Variants in ARHGAP26 observed in about 807,000 individuals in gnomAD.
ARHGAP26 encodes the protein rho GTPase-activating protein 26.
Under a neutral mutation model 104.8 loss-of-function variants are expected in ARHGAP26, and 38 were observed. That is an observed-to-expected ratio of 0.36 (90% CI 0.28 to 0.48). The LOEUF (loss-of-function observed/expected upper bound fraction) is 0.48, where lower values mean the gene tolerates loss of function less well. Among genes scored for constraint, ARHGAP26 ranks in the 20% least tolerant of loss-of-function variants. The pLI is 0.99. For synonymous variants in ARHGAP26, 341 were observed against 340.0 expected (o/e 1.00, Z -0.03); for missense variants, 704 against 947.9 (o/e 0.74, Z 3.38).
intron 9 of ARHGAP26, chr5:142,908,763 A>G: frequency 6.0e-6 from 1 of 167,152 alleles, no homozygotes; most frequent in Non-Finnish European, 1.5e-5. Context: ...ATATGTAGCT[A>G]TCTTTGGAAG....
At chr5:143,069,956 T>C (rs1320081112) in intron 17 of ARHGAP26, among the ~76,000 whole-genome samples, 1 of 152,236 alleles carries the variant, frequency 6.6e-6, no homozygotes, top group African/African-American at 2.4e-5. Flanking sequence ...CCCAAAGGCC[T>C]GGGCTCCCTT....
chr5:142,792,679 A>G (rs948702009), intron 1 of ARHGAP26, among the ~76,000 whole-genome samples: 4 of 152,184 alleles, frequency 2.6e-5, no homozygotes, highest in Non-Finnish European at 5.9e-5. Context: ...CTAGAGACTG[A>G]GAGCACCCCG....
intron 1 of ARHGAP26, among the ~76,000 whole-genome samples, chr5:142,837,438 C>T (rs1368872099): frequency 1.3e-5 from 2 of 152,006 alleles, no homozygotes; most frequent in Non-Finnish European, 2.9e-5. Flanking sequence ...CTGGGTTCCT[C>T]GTAGTGAACA....
At chr5:143,045,081 A>G (rs994125935) in intron 14 of ARHGAP26, among the ~76,000 whole-genome samples, 1 of 152,252 alleles carries the variant, frequency 6.6e-6, no homozygotes, top group South Asian at 2.1e-4. Flanking sequence ...TGTGTTAAGC[A>G]AAAGAGTGGT....
chr5:143,209,210 A>G (rs1809051318), intron 21 of ARHGAP26, among the ~76,000 whole-genome samples: 1 of 152,098 alleles, frequency 6.6e-6, no homozygotes, highest in African/African-American at 2.4e-5. Context: ...GATGGTACTC[A>G]CTTTTTTGTG....
At chr5:143,088,560 A>G (rs1790934495) in intron 17 of ARHGAP26, among the ~76,000 whole-genome samples, 1 of 152,228 alleles carries the variant, frequency 6.6e-6, no homozygotes, top group African/African-American at 2.4e-5. Flanking sequence ...AGAACCCAAG[A>G]TAATCTGAGA....
chr5:142,895,745 G>A (rs1175166791), intron 6 of ARHGAP26, among the ~76,000 whole-genome samples: 1 of 152,122 alleles, frequency 6.6e-6, no homozygotes, highest in Admixed American at 6.5e-5. Context: ...AGCACTTTGA[G>A]AGGCTGAGGC....
intron 4 of ARHGAP26, among the ~76,000 whole-genome samples, chr5:142,880,519 A>G (rs74602892): frequency 1.8e-5 from 1 of 54,610 alleles, no homozygotes; most frequent in Non-Finnish European, 2.7e-5. Context: ...TCCATGTCCA[A>G]AAAAAAAAAA....
Position 143,228,339 on chromosome 5 carries a change from C to A in ARHGAP26, c.*5893C>A, listed in dbSNP as rs1811821765. On this transcript the variant is annotated 3_prime_UTR_variant, in exon 23 of 23. Transcript: ENST00000645722. ...GCTGGCACTTTCTGAGCCTTTACAG[C>A]CTTTAAGACTCGGAGGTTGAGAATT... 4.5e-6 allele frequency: 1 copy of A among 224,058 alleles called. No homozygotes were observed. Among genetic ancestry groups the A allele is most frequent in the South Asian group, 1.8e-4 (1 of 5,456 alleles). 13.9% of individuals were successfully genotyped at this position (224,058 alleles called of 1,614,324 possible). A position where few individuals can be genotyped will look rare whatever the true frequency, so the allele number is the denominator to read the frequency against.
chr5:143,162,351 G>T (rs566220677), intron 20 of ARHGAP26, among the ~76,000 whole-genome samples: 1 of 151,638 alleles, frequency 6.6e-6, no homozygotes, highest in East Asian at 1.9e-4. Context: ...TCCTTTGCGT[G>T]GAAGTAGAAT....
At chr5:142,892,989 C>CCCTTTTT (rs753481588) in intron 5 of ARHGAP26, among the ~76,000 whole-genome samples, 5 of 108,018 alleles carry the variant, frequency 4.6e-5, no homozygotes, top group Admixed American at 1.0e-4. Flanking sequence ...CACCCCCCCG[C>CCCTTTTT]TTTTTTTTTT....
chr5:142,859,416 T>C (rs1195785534), intron 1 of ARHGAP26, among the ~76,000 whole-genome samples: 2 of 152,194 alleles, frequency 1.3e-5, no homozygotes, highest in Non-Finnish European at 1.5e-5. Flanking sequence ...AGCTGTTTTC[T>C]TTCTTTTCTG....
intron 11 of ARHGAP26, among the ~76,000 whole-genome samples, chr5:142,943,882 A>T (rs1766733118): frequency 6.6e-6 from 1 of 152,092 alleles, no homozygotes; most frequent in Non-Finnish European, 1.5e-5. Context: ...TGTTTATATT[A>T]GCTTAACCTT....
rs538681510 is a variant in ARHGAP26, at chr5:143,164,841, G to A, written c.1988+17460G>A. ...AACCCACTGGCCTTGGCACACCTCA[G>A]GAAGAATTAGGTCTCTATGTACAAA... is the stretch of plus-strand genomic sequence containing the variant. On this transcript the variant is annotated intron_variant, in intron 20 of 22. Transcript: ENST00000645722. The A allele has an allele frequency of 4.6e-5, 7 of 152,226 alleles. No individual in the cohort carries two copies. In the East Asian group the frequency reaches 1.4e-3, roughly 29 times the overall value. 9.4% of individuals were successfully genotyped at this position (152,226 alleles called of 1,614,324 possible).
chr5:143,109,804 C>G (rs1257466869), intron 17 of ARHGAP26, among the ~76,000 whole-genome samples: 1 of 152,146 alleles, frequency 6.6e-6, no homozygotes, highest in African/African-American at 2.4e-5. Context: ...TTAGTTGAGA[C>G]CTTTCCGAGT....
At chr5:143,144,078 C>T (rs1159040724) in intron 19 of ARHGAP26, among the ~76,000 whole-genome samples, 1 of 152,114 alleles carries the variant, frequency 6.6e-6, no homozygotes, top group East Asian at 1.9e-4. Flanking sequence ...TGACATGGTC[C>T]TCTGTGATCT....
chr5:143,145,811 G>A (rs78414514), intron 19 of ARHGAP26, among the ~76,000 whole-genome samples: 1,693 of 152,250 alleles, frequency 0.011, 34 homozygotes, highest in African/African-American at 0.039. Context: ...TTTATCTAGG[G>A]CATTAAGGAT....
chr5:142,986,065 C>T (rs1186812621), intron 11 of ARHGAP26, among the ~76,000 whole-genome samples: 6 of 152,250 alleles, frequency 3.9e-5, no homozygotes, highest in Admixed American at 1.3e-4. Flanking sequence ...AGTTCTAGAT[C>T]CTTGAGGAAT....
rs117171988 is a variant in ARHGAP26 at position 143,030,510 on chromosome 5, C to T, written c.1145-6686C>T. ...TTTTCTTGGGCCCATTCTTGGGCTT[C>T]GCTGCTAGGTGGCATGCCTGTATTG... On this transcript the variant is annotated intron_variant, in intron 12 of 22. Coordinates refer to ENST00000645722, the MANE Select transcript of ARHGAP26 (RefSeq NM_001135608.3). Among the ~76,000 whole-genome samples, 47 of 152,284 alleles carry T rather than the reference C, an allele frequency of 3.1e-4. 1 individual carries two copies. The East Asian group carries it at 7.5e-3, about 24-fold the overall frequency.
Sources: gnomAD v4.1 joint callset for allele counts (sites outside exome capture counted in the v4.1 genomes callset) on GRCh38, gnomAD v4.1.1 for gene constraint, MANE v1.5 for transcripts, NCBI Gene and HGNC (gene_info 2026-07-23, HGNC 2026-07-21) for gene names.